ROBO2: variants seen among roughly 807,000 people sequenced by gnomAD.
The protein encoded by ROBO2 is roundabout homolog 2.
Under a neutral mutation model 160.8 loss-of-function variants are expected in ROBO2, and 53 were observed. The ratio of observed to expected loss-of-function variants is 0.33; its 90% CI spans 0.26 to 0.41. The LOEUF (loss-of-function observed/expected upper bound fraction) is 0.41, where lower values mean the gene tolerates loss of function less well. ROBO2 is among the 10% of genes least tolerant of loss of function. The probability of loss-of-function intolerance (pLI) is 1.00; values close to 1 mark genes in which losing one functional copy is unlikely to be tolerated. For missense variants in ROBO2, 1,577 were observed against 1,722.4 expected (o/e 0.92, Z 1.49); for synonymous variants, 664 against 611.7 (o/e 1.09, Z -1.26).
rs200163416 is a variant in ROBO2 at position 76,314,102 on chromosome 3, A to G, written c.109+376500A>G. Among the ~76,000 whole-genome samples the G allele has an allele frequency of 8.5e-5, 13 of 152,284 alleles. No homozygotes were observed. In the East Asian group the frequency reaches 2.5e-3, roughly 29 times the overall value. On this transcript the variant is annotated intron_variant, in intron 2 of 26. Coordinates refer to the ROBO2 transcript ENST00000487694. ...ACATGACTCCCAAATATAGGTTAGT[A>G]GGCCAGCAAGTTTTCCCTCAGGCAT...
chr3:76,171,443 T>C (rs530970361), intron 2 of ROBO2, among the ~76,000 whole-genome samples: 96 of 152,224 alleles, frequency 6.3e-4, no homozygotes, highest in Non-Finnish European at 1.2e-3. Context: ...TGTTTTGTTT[T>C]TTGTTGTTGT....
At chr3:76,416,126 C>T (rs972087246) in intron 2 of ROBO2, among the ~76,000 whole-genome samples, 1 of 151,690 alleles carries the variant, frequency 6.6e-6, no homozygotes, top group Non-Finnish European at 1.5e-5. Flanking sequence ...CACTTGCTCT[C>T]CAGGAAAACA....
At chr3:76,116,388 T>C (rs1309656649) in intron 2 of ROBO2, among the ~76,000 whole-genome samples, 1 of 152,164 alleles carries the variant, frequency 6.6e-6, no homozygotes, top group Non-Finnish European at 1.5e-5. Context: ...AATTAACATA[T>C]GTAACTGTTC....
At chr3:77,486,860 C>T (rs1238830641) in intron 4 of ROBO2, among the ~76,000 whole-genome samples, 1 of 152,050 alleles carries the variant, frequency 6.6e-6, no homozygotes, top group East Asian at 1.9e-4. Context: ...TGGCTCCATA[C>T]CACATTGTTC....
At chr3:76,928,988 G>T (rs1449767253) in intron 2 of ROBO2, among the ~76,000 whole-genome samples, 1 of 152,148 alleles carries the variant, frequency 6.6e-6, no homozygotes. Context: ...GGCCGGGTGT[G>T]GTGGCTCACA....
chr3:76,391,869 T>C (rs555851552), intron 2 of ROBO2, among the ~76,000 whole-genome samples: 9 of 152,270 alleles, frequency 5.9e-5, no homozygotes, highest in East Asian at 1.9e-4. Flanking sequence ...TAATCAAAAA[T>C]AGTGAAAATC....
At chr3:76,852,740 T>G (rs2069541910) in intron 2 of ROBO2, among the ~76,000 whole-genome samples, 1 of 152,140 alleles carries the variant, frequency 6.6e-6, no homozygotes, top group African/African-American at 2.4e-5. Flanking sequence ...TTAAATATAT[T>G]TCATTATTTT....
intron 2 of ROBO2, among the ~76,000 whole-genome samples, chr3:75,973,404 A>T (rs1416766275): frequency 1.3e-5 from 2 of 151,646 alleles, no homozygotes; most frequent in African/African-American, 4.8e-5. Flanking sequence ...GGCCACTGAC[A>T]CAATAATATG....
intron 2 of ROBO2, among the ~76,000 whole-genome samples, chr3:76,038,577 T>A (rs2067186485): frequency 6.6e-6 from 1 of 151,916 alleles, no homozygotes; most frequent in Admixed American, 6.6e-5. Context: ...CTCTGAAGTG[T>A]TATTTTAACA....
intron 3 of ROBO2, among the ~76,000 whole-genome samples, chr3:77,479,884 G>A (rs116203086): frequency 0.01 from 1,537 of 152,204 alleles, 8 homozygotes; most frequent in Middle Eastern, 0.027. Flanking sequence ...CGGTTCCCAT[G>A]TTGGTCTCAG....
intron 2 of ROBO2, among the ~76,000 whole-genome samples, chr3:76,302,207 A>G (rs895312386): frequency 6.6e-6 from 1 of 152,120 alleles, no homozygotes; most frequent in Admixed American, 6.6e-5. Context: ...GGAATTAGTC[A>G]TAGAAGATGG....
chr3:76,199,184 A>T (rs1702402155), intron 2 of ROBO2, among the ~76,000 whole-genome samples: 1 of 152,100 alleles, frequency 6.6e-6, no homozygotes, highest in African/African-American at 2.4e-5. Flanking sequence ...CAATTATCAG[A>T]TCATTCCTCA....
chr3:76,338,618 T>C (rs1195935887), intron 2 of ROBO2, among the ~76,000 whole-genome samples: 3 of 151,818 alleles, frequency 2.0e-5, no homozygotes, highest in Non-Finnish European at 4.4e-5. Context: ...TGAGGTTACA[T>C]TGAGCTATGA....
At chr3:76,713,662 G>A (rs1398703521) in intron 2 of ROBO2, among the ~76,000 whole-genome samples, 1 of 152,076 alleles carries the variant, frequency 6.6e-6, no homozygotes, top group African/African-American at 2.4e-5. Flanking sequence ...GCATTAACTT[G>A]TTTGAACAAG....
chr3:76,194,465 A>G (rs1386046393), intron 2 of ROBO2, among the ~76,000 whole-genome samples: 1 of 149,878 alleles, frequency 6.7e-6, no homozygotes, highest in Non-Finnish European at 1.5e-5. Flanking sequence ...CACAAATTTA[A>G]TATGGGAATA....
chr3:76,783,000 A>G (rs547180353), intron 2 of ROBO2, among the ~76,000 whole-genome samples: 1 of 149,918 alleles, frequency 6.7e-6, no homozygotes, highest in Non-Finnish European at 1.5e-5. Flanking sequence ...TAAAATTTTT[A>G]CTTGTGTGCT....
At chr3:76,532,272 C>T (rs1399039126) in intron 2 of ROBO2, among the ~76,000 whole-genome samples, 1 of 152,172 alleles carries the variant, frequency 6.6e-6, no homozygotes, top group African/African-American at 2.4e-5. Flanking sequence ...TAGTGAAAAA[C>T]TCAAAGCATA....
chr3:76,492,914 T>C (rs1300277587), intron 2 of ROBO2, among the ~76,000 whole-genome samples: 1 of 152,208 alleles, frequency 6.6e-6, no homozygotes, highest in African/African-American at 2.4e-5. Flanking sequence ...CATGTAATTA[T>C]GATTTTATAA....
At chr3:76,461,756 T>G (rs1161724432) in intron 2 of ROBO2, among the ~76,000 whole-genome samples, 1 of 152,208 alleles carries the variant, frequency 6.6e-6, no homozygotes, top group African/African-American at 2.4e-5. Flanking sequence ...ATGAAAATTT[T>G]TAAAGTAAAT....
Sources: allele counts gnomAD v4.1 joint callset (sites outside exome capture counted in the v4.1 genomes callset), GRCh38; gene constraint gnomAD v4.1.1; transcripts MANE v1.5; gene names NCBI Gene and HGNC (gene_info 2026-07-23, HGNC 2026-07-21).